The following ZFHX3 variants were observed in gnomAD, a reference collection of about 807,000 sequenced individuals.
ZFHX3 encodes the protein zinc finger homeobox protein 3.
ZFHX3 carries 42 observed loss-of-function variants against 279.1 expected under a neutral mutation model. The observed-to-expected ratio is 0.15, with a 90% CI of 0.12 to 0.19. ZFHX3 has a LOEUF of 0.19. Ranked by LOEUF, ZFHX3 falls within the 10% of genes least tolerant of loss-of-function variation. The probability of loss-of-function intolerance (pLI) is 1.00; values close to 1 mark genes in which losing one functional copy is unlikely to be tolerated. For synonymous variants in ZFHX3, 2,293 were observed against 1,957.8 expected, an observed-to-expected ratio of 1.17 and a Z score of -4.52; for missense variants, 4,981 against 4,754.0, an observed-to-expected ratio of 1.05 and a Z score of -1.40.
rs769493986 is a variant in ZFHX3 at position 73,143,113 on chromosome 16, A to G, written c.-1024+639T>C. On this transcript the variant is annotated intron_variant, in intron 6 of 17. Transcript: ENST00000641206. The stretch of plus-strand genomic sequence containing the variant: ...TTTTAACTGAGTCTGAGAATAAGCC[A>G]ACCTTGTTTCCCCCCTTTCTTCTCT... Among the ~76,000 whole-genome samples the G allele has an allele frequency of 3.3e-5, 5 of 152,014 alleles. No individual in the cohort carries two copies. In the South Asian group the frequency reaches 1.0e-3, roughly 32 times the overall value.
intron 2 of ZFHX3, among the ~76,000 whole-genome samples, chr16:73,531,329 C>A (rs1392832621): frequency 6.6e-6 from 1 of 152,184 alleles, no homozygotes; most frequent in Non-Finnish European, 1.5e-5. Flanking sequence ...TCAATAATAA[C>A]TTCCCCTTCA....
chr16:72,858,425 A>AG (rs1323975037), intron 4 of ZFHX3, among the ~76,000 whole-genome samples: 2 of 152,214 alleles, frequency 1.3e-5, no homozygotes, highest in African/African-American at 4.8e-5. Flanking sequence ...AAACAAAAAG[A>AG]GGGGGGAAAA....
intron 2 of ZFHX3, among the ~76,000 whole-genome samples, chr16:73,536,557 T>C (rs944882799): frequency 2.0e-5 from 3 of 152,236 alleles, no homozygotes; most frequent in Non-Finnish European, 4.4e-5. Context: ...TAAGTCAAAG[T>C]ATCTATAAAA....
intron 3 of ZFHX3, among the ~76,000 whole-genome samples, chr16:72,925,825 T>C (rs1377387372): frequency 2.0e-5 from 3 of 152,196 alleles, no homozygotes; most frequent in Admixed American, 6.5e-5. Flanking sequence ...GCAGTGACCA[T>C]AGCTTTTACG....
chr16:73,381,840 G>A (rs933293823), intron 3 of ZFHX3, among the ~76,000 whole-genome samples: 3 of 152,210 alleles, frequency 2.0e-5, no homozygotes, highest in Non-Finnish European at 2.9e-5. Context: ...ACAAATTTGT[G>A]ACAGGCCGCA....
chr16:73,182,878 A>G (rs1212806301), intron 5 of ZFHX3, among the ~76,000 whole-genome samples: 2 of 120,824 alleles, frequency 1.7e-5, no homozygotes, highest in African/African-American at 6.3e-5. Flanking sequence ...GACACTGGAG[A>G]CTGCAAAAGG....
chr16:72,957,158 G>T (rs2106255), intron 2 of ZFHX3, among the ~76,000 whole-genome samples: 25,111 of 152,146 alleles, frequency 0.17, 2,459 homozygotes, highest in Admixed American at 0.27. Context: ...AATGGGAACA[G>T]AAAACTAGAG....
chr16:73,578,016 G>A (rs1287420919), intron 2 of ZFHX3, among the ~76,000 whole-genome samples: 1 of 152,220 alleles, frequency 6.6e-6, no homozygotes, highest in African/African-American at 2.4e-5. Flanking sequence ...GGCCAAACTG[G>A]TTGTTGAACA....
chr16:72,901,526 C>T (rs904229232), intron 3 of ZFHX3, among the ~76,000 whole-genome samples: 5 of 152,180 alleles, frequency 3.3e-5, no homozygotes, highest in Non-Finnish European at 5.9e-5. Context: ...TTTTATTCTT[C>T]TCTTAAAAGA....
At chr16:73,278,724 G>A (rs2014374380) in intron 4 of ZFHX3, among the ~76,000 whole-genome samples, 1 of 152,110 alleles carries the variant, frequency 6.6e-6, no homozygotes, top group African/African-American at 2.4e-5. Flanking sequence ...GCGTTTTACA[G>A]AGCACTGATT....
At chr16:73,325,592 G>T (rs559385938) in intron 3 of ZFHX3, among the ~76,000 whole-genome samples, 12 of 152,282 alleles carry the variant, frequency 7.9e-5, no homozygotes, top group African/African-American at 2.6e-4. Flanking sequence ...GTGTCCAGAA[G>T]TAGAGGAGAA....
intron 3 of ZFHX3, among the ~76,000 whole-genome samples, chr16:73,394,036 A>G (rs1378939294): frequency 6.7e-6 from 1 of 149,394 alleles, no homozygotes; most frequent in African/African-American, 2.4e-5. Context: ...AACTGTGTAT[A>G]TAAGTAACTT....
At chr16:73,210,073 G>T (rs2011956391) in intron 5 of ZFHX3, among the ~76,000 whole-genome samples, 1 of 152,218 alleles carries the variant, frequency 6.6e-6, no homozygotes, top group South Asian at 2.1e-4. Flanking sequence ...GGCCTGGAAG[G>T]AAGGTAAGAA....
intron 1 of ZFHX3, among the ~76,000 whole-genome samples, chr16:73,710,290 TA>T (rs1305505760): frequency 1.3e-5 from 2 of 152,252 alleles, no homozygotes; most frequent in East Asian, 3.8e-4. Context: ...TAAAGATCTG[TA>T]AATGGTAACG....
chr16:73,045,665 ATTATTATTATTATT>A (rs1330509336), intron 1 of ZFHX3, among the ~76,000 whole-genome samples: 1 of 147,076 alleles, frequency 6.8e-6, no homozygotes, highest in African/African-American at 2.5e-5. Context: ...TATTATTATT[ATTATTATTATTATT>A]ATTATTGAAT....
chr16:73,584,472 A>C (rs1195719671), intron 2 of ZFHX3, among the ~76,000 whole-genome samples: 1 of 152,246 alleles, frequency 6.6e-6, no homozygotes, highest in Non-Finnish European at 1.5e-5. Flanking sequence ...GAATAAAATC[A>C]GCAATATGTT....
chr16:73,478,319 C>T (rs998046575), intron 2 of ZFHX3, among the ~76,000 whole-genome samples: 10 of 151,248 alleles, frequency 6.6e-5, no homozygotes, highest in Admixed American at 1.3e-4. Flanking sequence ...ATATGACATG[C>T]CTGAACAGGG....
At chr16:73,302,226 A>G (rs1186575731) in intron 4 of ZFHX3, among the ~76,000 whole-genome samples, 1 of 151,172 alleles carries the variant, frequency 6.6e-6, no homozygotes, top group East Asian at 1.9e-4. Context: ...TTTCCTTTGT[A>G]TCTTTTTCCC....
intron 1 of ZFHX3, among the ~76,000 whole-genome samples, chr16:73,720,552 T>C (rs541380430): frequency 1.2e-4 from 18 of 152,344 alleles, no homozygotes; most frequent in Non-Finnish European, 2.5e-4. Context: ...TACTATAATG[T>C]TGAGTTAAAC....
Sources: gnomAD v4.1 joint callset for allele counts (sites outside exome capture counted in the v4.1 genomes callset) on GRCh38, gnomAD v4.1.1 for gene constraint, MANE v1.5 for transcripts, NCBI Gene and HGNC (gene_info 2026-07-23, HGNC 2026-07-21) for gene names.